The following PLXNA2 variants were observed in gnomAD, a reference collection of about 807,000 sequenced individuals.
PLXNA2 encodes plexin-A2.
Under a neutral mutation model 193.5 loss-of-function variants are expected in PLXNA2, and 91 were observed. The ratio of observed to expected loss-of-function variants is 0.47; its 90% CI spans 0.40 to 0.56. The LOEUF is 0.56. Ranked by LOEUF, PLXNA2 falls within the 20% of genes least tolerant of loss-of-function variation. The pLI, the probability that PLXNA2 is intolerant of heterozygous loss-of-function variation, is 0.00. For missense variants in PLXNA2, 1,995 were observed against 2,503.2 expected (o/e 0.80, Z 4.33); for synonymous variants, 997 against 1,027.3 (o/e 0.97, Z 0.56).
At position 208,170,582 on chromosome 1, in the gene PLXNA2, AGTTCAAC is replaced by A. The variant is rs1558227272; in HGVS notation, c.1372-28126_1372-28120del. Among the ~76,000 whole-genome samples, 7 of 152,364 alleles carry A rather than the reference AGTTCAAC, an allele frequency of 4.6e-5. 1 individual carries two copies. The South Asian group carries it at 1.4e-3, about 32-fold the overall frequency. On this transcript the variant is annotated intron_variant, in intron 3 of 31. Coordinates refer to ENST00000367033, the MANE Select transcript of PLXNA2 (RefSeq NM_025179.4). ...TCTGTGGGCATGTTCATAAGGGGCTAGTTCAACCAAGCACAAGAAAATGGAATGAATC... is the reference window on the plus strand; with the variant it reads ...TCTGTGGGCATGTTCATAAGGGGCTACAAGCACAAGAAAATGGAATGAATC...
At chr1:208,141,817 A>T (rs547352103) in intron 4 of PLXNA2, among the ~76,000 whole-genome samples, 1 of 152,302 alleles carries the variant, frequency 6.6e-6, no homozygotes, top group South Asian at 2.1e-4. Context: ...TCTATTTCTC[A>T]GGGCTTCCCA....
chr1:208,159,079 G>T (rs1669025174), intron 3 of PLXNA2, among the ~76,000 whole-genome samples: 2 of 152,282 alleles, frequency 1.3e-5, no homozygotes, highest in South Asian at 2.1e-4. Flanking sequence ...CTGAAATATG[G>T]CAGGTGACAA....
At chr1:208,193,808 G>A (rs1050144897) in intron 3 of PLXNA2, among the ~76,000 whole-genome samples, 2 of 152,146 alleles carry the variant, frequency 1.3e-5, no homozygotes, top group African/African-American at 2.4e-5. Flanking sequence ...CAGGAGGACT[G>A]CTTAAGCACA....
At chr1:208,116,672 C>A (rs930180478) in intron 4 of PLXNA2, among the ~76,000 whole-genome samples, 7 of 152,206 alleles carry the variant, frequency 4.6e-5, no homozygotes, top group African/African-American at 1.7e-4. Context: ...AGTCCCTTAA[C>A]CTCCCTGGGC....
chr1:208,056,509 G>A (rs1453121909), intron 13 of PLXNA2, among the ~76,000 whole-genome samples: 1 of 152,210 alleles, frequency 6.6e-6, no homozygotes, highest in African/African-American at 2.4e-5. Flanking sequence ...AGAAGGCCTG[G>A]AACAGCCCTG....
chr1:208,136,532 C>T (rs1668306210), intron 4 of PLXNA2, among the ~76,000 whole-genome samples: 1 of 152,230 alleles, frequency 6.6e-6, no homozygotes, highest in South Asian at 2.1e-4. Context: ...CTCACAGGTT[C>T]CTCCTCCCTT....
intron 4 of PLXNA2, among the ~76,000 whole-genome samples, chr1:208,125,252 G>C (rs1667938540): frequency 6.6e-6 from 1 of 152,202 alleles, no homozygotes; most frequent in African/African-American, 2.4e-5. Context: ...CGTTTGAAGT[G>C]ATCTGTATAC....
intron 31 of PLXNA2, among the ~76,000 whole-genome samples, chr1:208,027,686 A>G (rs1028594895): frequency 6.6e-6 from 1 of 152,254 alleles, no homozygotes; most frequent in Non-Finnish European, 1.5e-5. Context: ...TCTATCTGAA[A>G]TGTAACTGAC....
chr1:208,118,698 C>A (rs1667715515), intron 4 of PLXNA2, among the ~76,000 whole-genome samples: 1 of 151,648 alleles, frequency 6.6e-6, no homozygotes, highest in African/African-American at 2.4e-5. Context: ...TTCTGGGGGT[C>A]ACAGAGAGGG....
intron 4 of PLXNA2, among the ~76,000 whole-genome samples, chr1:208,103,698 T>C (rs796539349): frequency 6.6e-5 from 10 of 152,208 alleles, no homozygotes; most frequent in South Asian, 2.1e-4. Context: ...CATCAAATAA[T>C]ATTCATAGTA....
chr1:208,075,746 TC>T (rs138862939), intron 12 of PLXNA2, among the ~76,000 whole-genome samples: 38,672 of 152,016 alleles, frequency 0.25, 5,112 homozygotes, highest in Admixed American at 0.32. Flanking sequence ...AGAGCTTTTC[TC>T]TCTATTTATT....
At chr1:208,160,148 C>T (rs1669065701) in intron 3 of PLXNA2, among the ~76,000 whole-genome samples, 1 of 152,230 alleles carries the variant, frequency 6.6e-6, no homozygotes, top group Admixed American at 6.5e-5. Context: ...GCCTCCCTCA[C>T]TCCTTCTGCT....
At chr1:208,101,596 C>T (rs567637887) in intron 5 of PLXNA2, among the ~76,000 whole-genome samples, 12 of 152,288 alleles carry the variant, frequency 7.9e-5, no homozygotes, top group African/African-American at 2.2e-4. Context: ...TCACGGCTGA[C>T]CTGCACCAGG....
At chr1:208,085,992 A>C (rs1426513655) in intron 9 of PLXNA2, among the ~76,000 whole-genome samples, 2 of 152,098 alleles carry the variant, frequency 1.3e-5, no homozygotes, top group African/African-American at 4.8e-5. Context: ...TCTGAGAATT[A>C]ATAATTGATT....
rs1451226759 is a variant in PLXNA2 at position 208,216,924 on chromosome 1, A to G, written c.999T>C (p.Asp333=). ...AQAFNITSQD[D]VLFAIFSKGQ... is the part of the protein sequence containing the mutation. ...CTTTGGAGAAGATGGCAAAGAGTAC[A>G]TCGTCCTGGCTGGTGATATTGAAGG... Residue 333 remains aspartate (D), a synonymous_variant, in exon 2 of 32, where the codon GAT becomes GAC. Coordinates refer to ENST00000367033, the MANE Select transcript of PLXNA2 (RefSeq NM_025179.4). 6.2e-7 allele frequency: 1 copy of G among 1,614,212 alleles called. No homozygotes were observed. Among genetic ancestry groups the G allele is most frequent in the Non-Finnish European group, 8.5e-7 (1 of 1,180,052 alleles).
chr1:208,157,352 C>T (rs1668969663), intron 3 of PLXNA2, among the ~76,000 whole-genome samples: 1 of 152,194 alleles, frequency 6.6e-6, no homozygotes, highest in Non-Finnish European at 1.5e-5. Context: ...TGTAAGTCAT[C>T]TTAATTCCTT....
At chr1:208,049,306 C>CTTT (rs35088178) in intron 17 of PLXNA2, among the ~76,000 whole-genome samples, 2 of 141,610 alleles carry the variant, frequency 1.4e-5, no homozygotes, top group Admixed American at 7.0e-5. Context: ...AATTTGCTTG[C>CTTT]TTTTTTTTTT....
chr1:208,105,544 G>A (rs1284960694), intron 4 of PLXNA2, among the ~76,000 whole-genome samples: 2 of 152,142 alleles, frequency 1.3e-5, no homozygotes, highest in African/African-American at 2.4e-5. Flanking sequence ...ACAGTTAAAA[G>A]ATAACATGCA....
chr1:208,243,480 G>A (rs1367623042), intron 1 of PLXNA2, among the ~76,000 whole-genome samples, 163 bp downstream of exon 1: 2 of 152,046 alleles, frequency 1.3e-5, no homozygotes, highest in African/African-American at 4.8e-5. Context: ...CGCGAAAGTG[G>A]CCGAGCCCAC....
Sources: allele counts gnomAD v4.1 joint callset (sites outside exome capture counted in the v4.1 genomes callset), GRCh38; gene constraint gnomAD v4.1.1; transcripts MANE v1.5; gene names NCBI Gene and HGNC (gene_info 2026-07-23, HGNC 2026-07-21).